Variants in REST observed in about 807,000 individuals in gnomAD.
REST encodes the protein RE1-silencing transcription factor.
Under a neutral mutation model 30.4 loss-of-function variants are expected in REST, and 1 was observed. The observed-to-expected ratio is 0.03, with a 90% CI of 0.01 to 0.16. The LOEUF (loss-of-function observed/expected upper bound fraction) is 0.16. Ranked by LOEUF, REST falls within the 10% of genes least tolerant of loss-of-function variation. The pLI is 1.00. For synonymous variants in REST, 504 were observed against 451.1 expected, an observed-to-expected ratio of 1.12 and a Z score of -1.49; for missense variants, 1,259 against 1,329.5, an observed-to-expected ratio of 0.95 and a Z score of 0.82.
In REST at chr4:56,931,397, G is replaced by C. The variant is rs1241820239; in HGVS notation, c.2539G>C (p.Asp847His). The C allele has an allele frequency of 6.2e-7, 1 of 1,614,254 alleles. No homozygotes were observed. Among genetic ancestry groups the C allele is most frequent in the South Asian group, 1.1e-5 (1 of 91,088 alleles). ...TGAAGTTGGCTTAGTGCCTGTTAAA[G>C]ATAGCTGGCTTCTAAAGGAAAGTGT... ...LIEVGLVPVK[D>H]SWLLKESVST... The change falls in exon 4 of 4, where the codon GAT (aspartate) becomes CAT (histidine). Residue 847 changes from aspartate to histidine, a missense_variant. This residue lies in a region of REST where 856 missense variants were observed against 772.8 expected (regional missense o/e 1.11). Coordinates refer to ENST00000309042, the MANE Select transcript of REST (RefSeq NM_005612.5).
In REST at chr4:56,919,818, T is replaced by G; in HGVS notation, c.930T>G (p.Pro310=). Reference sequence around the variant, plus strand: ...GCCCATATAAATGTGAACTTTGTCCTTACTCAAGTTCTCAGAAGACTCATC... The same window carrying G: ...GCCCATATAAATGTGAACTTTGTCCGTACTCAAGTTCTCAGAAGACTCATC... ...GERPYKCELC[P]YSSSQKTHLT... is the part of the protein sequence containing the mutation. The change falls in exon 3 of 4, where the codon CCT becomes CCG. Residue 310 remains proline, a synonymous_variant. Coordinates refer to ENST00000309042, the MANE Select transcript of REST (RefSeq NM_005612.5). 1.9e-6 allele frequency: 3 copies of G among 1,609,418 alleles called. No homozygotes were observed. Among genetic ancestry groups the G allele is most frequent in the Non-Finnish European group, 2.5e-6 (3 of 1,176,792 alleles).
At position 56,931,198 on chromosome 4, in the gene REST, G is replaced by C; in HGVS notation, c.2340G>C (p.Glu780Asp). 1 of 1,614,064 alleles carries C rather than the reference G, an allele frequency of 6.2e-7. No individual in the cohort carries two copies. The highest frequency in any genetic ancestry group is 1.3e-5 in the African/African-American group (1 of 75,032). Reference sequence around the variant, plus strand: ...TCCAGAAGGAGCCTGTTCAGATGGAGTTGTCTCCTCCCATGGGGGTGGTTC... The same window carrying C: ...TCCAGAAGGAGCCTGTTCAGATGGACTTGTCTCCTCCCATGGGGGTGGTTC... ...EVVQKEPVQM[E>D]LSPPMGVVQK... is the part of the protein sequence containing the mutation. The change falls in exon 4 of 4, where the codon GAG becomes GAC. Residue 780 changes from glutamate (E) to aspartate (D), a missense_variant. Glu to Asp is a conservative substitution (Grantham distance 45). Coordinates refer to ENST00000309042, the MANE Select transcript of REST (RefSeq NM_005612.5).
At position 56,930,264 on chromosome 4, in the gene REST, A is replaced by G. The variant is rs1215291953; in HGVS notation, c.1406A>G (p.Glu469Gly). 6.2e-7 allele frequency: 1 copy of G among 1,612,022 alleles called. No homozygotes were observed. Among genetic ancestry groups the G allele is most frequent in the East Asian group, 2.2e-5 (1 of 44,870 alleles). Residue 469 changes from glutamate to glycine, a missense_variant, in exon 4 of 4, where the codon GAG becomes GGG. By Grantham distance (98) the Glu-to-Gly change is moderately conservative (BLOSUM62 -2). This residue lies in a region of REST where 856 missense variants were observed against 772.8 expected (regional missense o/e 1.11). Transcript: ENST00000309042. ...AAAAATGAAAAGTCCGTCAAAGCAG[A>G]GAAAAGAGATGTCTCAAAAGAGAAA... ...GKKNEKSVKA[E>G]KRDVSKEKKP...
At chr4:56,928,115 A>T (rs1450251935) in intron 3 of REST, among the ~76,000 whole-genome samples, 1 of 152,102 alleles carries the variant, frequency 6.6e-6, no homozygotes, top group South Asian at 2.1e-4. Context: ...TTTTATTTTT[A>T]TTTATTTTTG....
Position 56,931,215 on chromosome 4 carries a change from G to A in REST, c.2357G>A (p.Gly786Glu), listed in dbSNP as rs867079701. ...CAGATGGAGTTGTCTCCTCCCATGG[G>A]GGTGGTTCAGAAGGAGCCTGCTCAG... ...PVQMELSPPMGVVQKEPAQRE... is the reference protein window; with the variant it reads ...PVQMELSPPMEVVQKEPAQRE... The change falls in exon 4 of 4, where the codon GGG becomes GAG. Residue 786 changes from glycine to glutamate, a missense_variant. Gly to Glu is a moderately conservative substitution (Grantham distance 98, BLOSUM62 -2). Around this residue, in one of 5 missense-constraint regions of REST, gnomAD observed 856 missense variants for 772.8 expected, o/e 1.11. Coordinates refer to ENST00000309042, the MANE Select transcript of REST (RefSeq NM_005612.5). 5.6e-6 allele frequency: 9 copies of A among 1,613,512 alleles called. No individual in the cohort carries two copies. In the African/African-American group the frequency reaches 1.1e-4, roughly 19 times the overall value.
chr4:56,919,980 T>G, intron 3 of REST, 110 bp downstream of exon 3: 1 of 474,174 alleles, frequency 2.1e-6, no homozygotes, highest in Non-Finnish European at 3.6e-6. Context: ...TTTAATATAA[T>G]TTAGAAGTCA....
In REST at chr4:56,933,126, T is replaced by C. The variant is rs1030947000; in HGVS notation, c.*974T>C. 1.3e-5 allele frequency: 2 copies of C among 152,120 alleles called. No homozygotes were observed. Among genetic ancestry groups the C allele is most frequent in the Non-Finnish European group, 2.9e-5 (2 of 68,036 alleles). 9.4% of individuals were successfully genotyped at this position (152,120 alleles called of 1,614,324 possible). ...CGAATGGATGTAGTAAATTCACAGC[T>C]ATCAGTTTTGATTTTGCAATAAATA... On this transcript the variant is annotated 3_prime_UTR_variant, in exon 4 of 4. Transcript: ENST00000309042.
In REST at chr4:56,910,939, G is replaced by A. The variant is rs752906763; in HGVS notation, c.301G>A (p.Gly101Ser). Residue 101 changes from glycine to serine, a missense_variant, in exon 2 of 4, where the codon GGT becomes AGT. Gly to Ser is a moderately conservative substitution (Grantham distance 56). Transcript: ENST00000309042. ...ACTTGAAGAGTCTGCTGATATAAAAGGTGAACCTCATGGACTGGAAAACAT... is the reference window on the plus strand; with the variant it reads ...ACTTGAAGAGTCTGCTGATATAAAAAGTGAACCTCATGGACTGGAAAACAT... Reference protein sequence around the residue: ...EGLEESADIKGEPHGLENMEL... With the variant: ...EGLEESADIKSEPHGLENMEL... 1 of 1,614,166 alleles carries A rather than the reference G, an allele frequency of 6.2e-7. No homozygotes were observed. Among genetic ancestry groups the A allele is most frequent in the Non-Finnish European group, 8.5e-7 (1 of 1,180,020 alleles).
In REST at chr4:56,932,640, G is replaced by GC. The variant is rs985782527; in HGVS notation, c.*489dup. The GC allele has an allele frequency of 2.0e-5, 3 of 152,420 alleles. No individual in the cohort carries two copies. Among genetic ancestry groups the GC allele is most frequent in the African/African-American group, 7.3e-5 (3 of 41,336 alleles). 9.4% of individuals were successfully genotyped at this position (152,420 alleles called of 1,614,324 possible). A position where few individuals can be genotyped will look rare whatever the true frequency, so the allele number is the denominator to read the frequency against. ...TTTAAATTGAAGAAAAATTCCCCCAGCAATAGACAGTCTATCAGTCCAAGT... is the reference window on the plus strand; with the variant it reads ...TTTAAATTGAAGAAAAATTCCCCCAGCCAATAGACAGTCTATCAGTCCAAGT... On this transcript the variant is annotated 3_prime_UTR_variant, in exon 4 of 4. Transcript: ENST00000309042.
At position 56,935,169 on chromosome 4, in the gene REST, A is replaced by G; in HGVS notation, c.*3017A>G. ...GAGTGCTGATACAAATTAAAACCCA[A>G]GTAGACCTCATTGCATGTCACCCTA... On this transcript the variant is annotated 3_prime_UTR_variant, in exon 4 of 4. Coordinates refer to ENST00000309042, the MANE Select transcript of REST (RefSeq NM_005612.5). The G allele has an allele frequency of 6.6e-6, 1 of 152,214 alleles. No individual in the cohort carries two copies. The highest frequency in any genetic ancestry group is 1.5e-5 in the Non-Finnish European group (1 of 68,036). 9.4% of individuals were successfully genotyped at this position (152,214 alleles called of 1,614,324 possible).
intron 3 of REST, among the ~76,000 whole-genome samples, chr4:56,926,968 T>G (rs897831237): frequency 6.6e-6 from 1 of 151,864 alleles, no homozygotes; most frequent in African/African-American, 2.4e-5. Context: ...TAGTGGCACA[T>G]GCCTGTAATC....
rs1323149927 is a variant in REST at position 56,910,931 on chromosome 4, A to T, written c.293A>T (p.Asp98Val). ...EEGEGLEESA[D>V]IKGEPHGLEN... ...GGAGAAGGACTTGAAGAGTCTGCTG[A>T]TATAAAAGGTGAACCTCATGGACTG... is the stretch of plus-strand genomic sequence containing the variant. The change falls in exon 2 of 4, where the codon GAT becomes GTT. Residue 98 changes from aspartate to valine, a missense_variant. By Grantham distance (152) the Asp-to-Val change is radical. Around this residue, in one of 5 missense-constraint regions of REST, gnomAD observed 249 missense variants for 251.5 expected, o/e 0.99. Coordinates refer to ENST00000309042, the MANE Select transcript of REST (RefSeq NM_005612.5). 6.2e-7 allele frequency: 1 copy of T among 1,614,204 alleles called. No homozygotes were observed. Among genetic ancestry groups the T allele is most frequent in the Non-Finnish European group, 8.5e-7 (1 of 1,180,042 alleles).
intron 3 of REST, among the ~76,000 whole-genome samples, chr4:56,927,354 T>A (rs1720760228): frequency 6.6e-6 from 1 of 152,220 alleles, no homozygotes; most frequent in African/African-American, 2.4e-5. Flanking sequence ...CTTGCATATT[T>A]GTAAATCTGT....
At position 56,931,793 on chromosome 4, in the gene REST, G is replaced by A. The variant is rs1720986208; in HGVS notation, c.2935G>A (p.Val979Ile). ...TTCACCAATGCTTCCCCCTTCAGCA[G>A]TAGAAGAACGTGAAGCAGTGTCCAA... ...PVSPMLPPSAVEEREAVSKTA... is the reference protein window; with the variant it reads ...PVSPMLPPSAIEEREAVSKTA... Residue 979 changes from valine to isoleucine, a missense_variant, in exon 4 of 4, where the codon GTA (valine) becomes ATA (isoleucine). Val to Ile is a conservative substitution (Grantham distance 29). Around this residue, in one of 5 missense-constraint regions of REST, gnomAD observed 856 missense variants for 772.8 expected, o/e 1.11. Coordinates refer to ENST00000309042, the MANE Select transcript of REST (RefSeq NM_005612.5). 3.1e-6 allele frequency: 5 copies of A among 1,614,238 alleles called. No individual in the cohort carries two copies. Among genetic ancestry groups the A allele is most frequent in the Non-Finnish European group, 4.2e-6 (5 of 1,180,046 alleles).
In REST at chr4:56,907,984, G is replaced by A; in HGVS notation, c.-239G>A. On this transcript the variant is annotated 5_prime_UTR_variant, in exon 1 of 4. Transcript: ENST00000309042. ...GCGGAGCGAGCGCCGCCGAGGCCCG[G>A]GGCCCCAGACCCTGGCGGCGGCTGC... The A allele has an allele frequency of 5.5e-6, 2 of 366,410 alleles. No homozygotes were observed. The highest frequency in any genetic ancestry group is 9.7e-6 in the Non-Finnish European group (2 of 205,420). The allele number at this position is 366,410 out of a possible 1,614,324, so 22.7% of individuals were successfully genotyped here. A position where few individuals can be genotyped will look rare whatever the true frequency, so the allele number is the denominator to read the frequency against.
chr4:56,915,200 G>A (rs1248380476), intron 2 of REST, among the ~76,000 whole-genome samples: 2 of 147,310 alleles, frequency 1.4e-5, no homozygotes, highest in African/African-American at 5.0e-5. Flanking sequence ...ACAGGCGTGA[G>A]CCACCACGCC....
At chr4:56,920,905 G>A (rs375776484) in intron 3 of REST, among the ~76,000 whole-genome samples, 4 of 151,956 alleles carry the variant, frequency 2.6e-5, no homozygotes, top group East Asian at 1.9e-4. Context: ...TTGCTCTGTC[G>A]TCTAGGCTGG....
At chr4:56,910,198 G>C (rs1205831924) in intron 1 of REST, among the ~76,000 whole-genome samples, 1 of 152,182 alleles carries the variant, frequency 6.6e-6, no homozygotes, top group East Asian at 1.9e-4. Flanking sequence ...TGGATTTCTG[G>C]GCTTTCTGAT....
At chr4:56,916,479 A>G (rs1428074809) in intron 2 of REST, among the ~76,000 whole-genome samples, 1 of 152,046 alleles carries the variant, frequency 6.6e-6, no homozygotes, top group East Asian at 1.9e-4. Flanking sequence ...AGCATGGTGA[A>G]ACCCTGTCTC....
Sources: gnomAD v4.1 joint callset for allele counts (sites outside exome capture counted in the v4.1 genomes callset) on GRCh38, gnomAD v4.1.1 for gene constraint, gnomAD v4.1.1 regional missense constraint, MANE v1.5 for transcripts, NCBI Gene and HGNC (gene_info 2026-07-23, HGNC 2026-07-21) for gene names.